The following SHANK2 variants were observed in gnomAD, a reference collection of about 807,000 sequenced individuals.
SHANK2 encodes SH3 and multiple ankyrin repeat domains 2.
A neutral mutation model predicts 133.7 loss-of-function variants in SHANK2; 43 were observed. The ratio of observed to expected loss-of-function variants is 0.32; its 90% CI spans 0.25 to 0.41. The LOEUF is 0.41. SHANK2 is among the 10% of genes least tolerant of loss of function. The pLI is 1.00. For synonymous variants in SHANK2, 1,017 were observed against 952.8 expected (o/e 1.07, Z -1.24); for missense variants, 1,994 against 2,235.8 (o/e 0.89, Z 2.18).
intron 15 of SHANK2, among the ~76,000 whole-genome samples, chr11:70,695,850 C>G (rs1555022128): frequency 6.6e-6 from 1 of 152,226 alleles, no homozygotes. Context: ...CACAGGGTCA[C>G]ATGAGGCCCA....
intron 2 of SHANK2, among the ~76,000 whole-genome samples, chr11:71,177,878 T>C (rs1953477564): frequency 6.6e-6 from 1 of 152,198 alleles, no homozygotes; most frequent in Non-Finnish European, 1.5e-5. Context: ...GATACCACTT[T>C]ATATCTACTA....
intron 10 of SHANK2, among the ~76,000 whole-genome samples, chr11:70,947,680 T>C (rs373015586): frequency 2.6e-5 from 4 of 152,248 alleles, no homozygotes; most frequent in African/African-American, 9.6e-5. Flanking sequence ...CTCTACATTT[T>C]AAAAAATTAT....
At position 70,807,278 on chromosome 11, in the gene SHANK2, G is replaced by A; in HGVS notation, c.1494-107C>T. 2 of 666,520 alleles carry A rather than the reference G, an allele frequency of 3.0e-6. No individual in the cohort carries two copies. Among genetic ancestry groups the A allele is most frequent in the South Asian group, 3.3e-5 (2 of 61,152 alleles). 41.3% of individuals were successfully genotyped at this position (666,520 alleles called of 1,614,324 possible). A position where few individuals can be genotyped will look rare whatever the true frequency, so the allele number is the denominator to read the frequency against. ...ATTCAACGCATGCTGCGCCTCGGCTGGCCGCATCAGAACTCCTGATGCCAG... is the reference window on the plus strand; with the variant it reads ...ATTCAACGCATGCTGCGCCTCGGCTAGCCGCATCAGAACTCCTGATGCCAG... On this transcript the variant is annotated intron_variant, in intron 12 of 25. Transcript: ENST00000601538. The surrounding 1 kb of genome is among the most constrained non-coding windows in gnomAD (Gnocchi z 4.8).
chr11:70,709,707 G>A (rs1945737841), intron 14 of SHANK2, among the ~76,000 whole-genome samples: 1 of 152,208 alleles, frequency 6.6e-6, no homozygotes, highest in African/African-American at 2.4e-5. Context: ...GATGGAGCGT[G>A]TGGCCGTGGC....
chr11:70,910,617 G>A (rs1171319956), intron 10 of SHANK2, among the ~76,000 whole-genome samples: 1 of 152,112 alleles, frequency 6.6e-6, no homozygotes, highest in Non-Finnish European at 1.5e-5. Context: ...AGACCAGCCT[G>A]GCCAAAGTGG....
At chr11:70,887,363 A>ATTTT (rs11424770) in intron 11 of SHANK2, among the ~76,000 whole-genome samples, 1 of 146,426 alleles carries the variant, frequency 6.8e-6, no homozygotes. Flanking sequence ...GTCCCATTTA[A>ATTTT]TTTTTTTTTT....
chr11:70,501,747 T>G (rs2059056365), intron 20 of SHANK2, among the ~76,000 whole-genome samples, 176 bp downstream of exon 20: 1 of 149,776 alleles, frequency 6.7e-6, no homozygotes, highest in Non-Finnish European at 1.5e-5. Context: ...CAGACCAGAC[T>G]GCTCTGCCAA....
rs1042226253 is a variant in SHANK2, at chr11:71,059,388, C to T, written c.1030-2830G>A. On this transcript the variant is annotated intron_variant, in intron 9 of 25. Coordinates refer to ENST00000601538, the MANE Select transcript of SHANK2 (RefSeq NM_012309.5). ...GATGGTCGATGGTGGTGATGGTTGACGGTGGTGATGGTTGATGGTGGTGAT... is the reference window on the plus strand; with the variant it reads ...GATGGTCGATGGTGGTGATGGTTGATGGTGGTGATGGTTGATGGTGGTGAT... 9.4e-4 allele frequency among the ~76,000 whole-genome samples: 142 copies of T among 151,856 alleles called. 2 individuals carry two copies. In the East Asian group the frequency reaches 0.022, roughly 24 times the overall value.
chr11:70,830,674 C>T lies in SHANK2; in HGVS notation c.1175-9992G>A, dbSNP rs1183520309. Among the ~76,000 whole-genome samples, 1 of 152,222 alleles carries T rather than the reference C, an allele frequency of 6.6e-6. No homozygotes were observed. The highest frequency in any genetic ancestry group is 2.4e-5 in the African/African-American group (1 of 41,456). ...AAGATAAAAGATGAAACTTAAAAAC[C>T]CATTTTCCCTGGAGGCTTCCAGAGA... On this transcript the variant is annotated intron_variant, in intron 11 of 25. Coordinates refer to ENST00000601538, the MANE Select transcript of SHANK2 (RefSeq NM_012309.5). This position sits in a 1 kb window ranked among gnomAD's most constrained non-coding sequence, Gnocchi z 4.4.
chr11:71,144,421 C>A (rs546039212), intron 3 of SHANK2, among the ~76,000 whole-genome samples: 20 of 152,120 alleles, frequency 1.3e-4, no homozygotes, highest in Non-Finnish European at 8.8e-5. Flanking sequence ...CAGAGGACCC[C>A]GTGGAGGATT....
intron 14 of SHANK2, among the ~76,000 whole-genome samples, chr11:70,734,621 C>T (rs1408619368): frequency 6.6e-6 from 1 of 152,210 alleles, no homozygotes. Context: ...CAGGGCCCCC[C>T]GACCAATACC....
At chr11:70,737,950 CG>C in intron 14 of SHANK2, among the ~76,000 whole-genome samples, 1 of 152,364 alleles carries the variant, frequency 6.6e-6, no homozygotes, top group Non-Finnish European at 1.5e-5. Flanking sequence ...TACGGTGAGC[CG>C]CGGAGACGTG....
chr11:71,234,659 C>G (rs964224902), intron 1 of SHANK2, among the ~76,000 whole-genome samples: 1 of 152,150 alleles, frequency 6.6e-6, no homozygotes, highest in Non-Finnish European at 1.5e-5. Flanking sequence ...GTCTCTGGAG[C>G]AGCCCACCTT....
chr11:70,611,371 C>T (rs1186922407), intron 17 of SHANK2, among the ~76,000 whole-genome samples: 1 of 152,044 alleles, frequency 6.6e-6, no homozygotes, highest in Non-Finnish European at 1.5e-5. Flanking sequence ...ATTACCCGTT[C>T]CTCGACAGTT....
chr11:70,914,860 C>T (rs1950247978), intron 10 of SHANK2, among the ~76,000 whole-genome samples: 1 of 147,278 alleles, frequency 6.8e-6, no homozygotes, highest in South Asian at 2.1e-4. Flanking sequence ...AATCGCACCA[C>T]TGCACTCCAG....
At chr11:71,223,255 G>A (rs1954586869) in intron 2 of SHANK2, among the ~76,000 whole-genome samples, 1 of 152,204 alleles carries the variant, frequency 6.6e-6, no homozygotes, top group African/African-American at 2.4e-5. Flanking sequence ...CCGACATTCT[G>A]CTCCTGCCTG....
chr11:70,797,769 G>A lies in SHANK2; in HGVS notation c.1777+674C>T, dbSNP rs142475324. 3.4e-4 allele frequency among the ~76,000 whole-genome samples: 51 copies of A among 151,688 alleles called. No individual in the cohort carries two copies. The East Asian group carries it at 5.1e-3, about 15-fold the overall frequency. ...GGGATTCTACTAAAAGCCAGATGCC[G>A]TTCACATGCGGACTGCTTTCTTCTT... On this transcript the variant is annotated intron_variant, in intron 14 of 25. Coordinates refer to ENST00000601538, the MANE Select transcript of SHANK2 (RefSeq NM_012309.5).
intron 1 of SHANK2, among the ~76,000 whole-genome samples, chr11:71,236,291 T>C (rs1015922570): frequency 1.3e-5 from 2 of 152,160 alleles, no homozygotes; most frequent in African/African-American, 4.8e-5. Context: ...AACCACAAAA[T>C]GCTGTGACCA....
intron 2 of SHANK2, among the ~76,000 whole-genome samples, chr11:71,224,286 G>C (rs1229201971): frequency 6.6e-6 from 1 of 152,084 alleles, no homozygotes; most frequent in African/African-American, 2.4e-5. Flanking sequence ...GCCCTCTTCA[G>C]AGCACACAGA....
Sources: gnomAD v4.1 joint callset for allele counts (sites outside exome capture counted in the v4.1 genomes callset) on GRCh38, gnomAD v4.1.1 for gene constraint, Gnocchi (gnomAD v3.1) non-coding constraint, MANE v1.5 for transcripts, NCBI Gene and HGNC (gene_info 2026-07-23, HGNC 2026-07-21) for gene names.